The following PTPRD variants were observed in gnomAD, a reference collection of about 807,000 sequenced individuals.
The protein encoded by PTPRD is receptor-type tyrosine-protein phosphatase delta.
In PTPRD, 34 loss-of-function variants were observed where a neutral mutation model predicts 214.5. The observed-to-expected ratio is 0.16, with a 90% CI of 0.12 to 0.21. The LOEUF (loss-of-function observed/expected upper bound fraction) is 0.21, where lower values mean the gene tolerates loss of function less well. PTPRD is among the 10% of genes least tolerant of loss of function. The probability of loss-of-function intolerance (pLI) is 1.00; values close to 1 mark genes in which losing one functional copy is unlikely to be tolerated. For missense variants in PTPRD, 2,545 were observed against 2,398.7 expected (o/e 1.06, Z -1.27); for synonymous variants, 1,128 against 845.7 (o/e 1.33, Z -5.79).
At chr9:8,389,912 G>A (rs975228817) in intron 36 of PTPRD, among the ~76,000 whole-genome samples, 24 of 152,168 alleles carry the variant, frequency 1.6e-4, no homozygotes, top group Non-Finnish European at 3.5e-4. Flanking sequence ...TCTGCAGTAA[G>A]TCCTGTTATG....
intron 8 of PTPRD, among the ~76,000 whole-genome samples, chr9:9,418,044 T>C (rs947652751): frequency 5.3e-5 from 8 of 152,232 alleles, no homozygotes; most frequent in African/African-American, 1.7e-4. Context: ...CTATGAAATG[T>C]TCTGAGTCCT....
chr9:10,155,624 A>G (rs1444075002), intron 3 of PTPRD, among the ~76,000 whole-genome samples: 1 of 152,156 alleles, frequency 6.6e-6, no homozygotes, highest in Non-Finnish European at 1.5e-5. Flanking sequence ...TGTTTCTTCA[A>G]TACTACATGT....
chr9:8,711,588 C>A (rs1044970361), intron 12 of PTPRD, among the ~76,000 whole-genome samples: 2 of 152,146 alleles, frequency 1.3e-5, no homozygotes, highest in Non-Finnish European at 2.9e-5. Context: ...CGTCTCCAAG[C>A]AATAATTCTC....
At chr9:8,576,631 CAA>C (rs71317371) in intron 14 of PTPRD, among the ~76,000 whole-genome samples, 47 of 115,932 alleles carry the variant, frequency 4.1e-4, no homozygotes, top group East Asian at 1.5e-3. Context: ...GCTAATGCAG[CAA>C]AAAAAAAAAA....
chr9:9,968,723 A>G (rs182347288), intron 4 of PTPRD, among the ~76,000 whole-genome samples: 1 of 152,292 alleles, frequency 6.6e-6, no homozygotes, highest in East Asian at 1.9e-4. Flanking sequence ...AAGCTAGGTC[A>G]CAGAAACAAC....
chr9:10,604,828 T>A (rs2078893326), intron 2 of PTPRD, among the ~76,000 whole-genome samples: 1 of 151,870 alleles, frequency 6.6e-6, no homozygotes, highest in Admixed American at 6.6e-5. Context: ...TGGGAAATAT[T>A]TTTTCTATAC....
At chr9:10,242,079 T>C (rs922897194) in intron 3 of PTPRD, among the ~76,000 whole-genome samples, 1 of 151,914 alleles carries the variant, frequency 6.6e-6, no homozygotes, top group African/African-American at 2.4e-5. Flanking sequence ...AAAGACTATA[T>C]GACCTGTGAA....
intron 2 of PTPRD, among the ~76,000 whole-genome samples, chr9:10,365,555 C>T (rs1005440655): frequency 1.3e-5 from 2 of 152,102 alleles, no homozygotes; most frequent in African/African-American, 4.8e-5. Context: ...TGTACTTTAT[C>T]ACTGACTTTC....
At chr9:9,953,716 T>G (rs1301056963) in intron 4 of PTPRD, among the ~76,000 whole-genome samples, 1 of 152,180 alleles carries the variant, frequency 6.6e-6, no homozygotes, top group East Asian at 1.9e-4. Context: ...TAACCACTGC[T>G]GAAGCAACCG....
At chr9:9,228,922 A>AT (rs1156728499) in intron 9 of PTPRD, among the ~76,000 whole-genome samples, 1 of 152,032 alleles carries the variant, frequency 6.6e-6, no homozygotes, top group Non-Finnish European at 1.5e-5. Context: ...TAGATAGTTT[A>AT]TGTATGTACA....
At chr9:9,334,928 T>G (rs984528927) in intron 9 of PTPRD, among the ~76,000 whole-genome samples, 1 of 151,960 alleles carries the variant, frequency 6.6e-6, no homozygotes, top group Non-Finnish European at 1.5e-5. Context: ...ATAGTAATTT[T>G]TAAAAAAAAC....
chr9:8,601,798 G>A (rs1417415055), intron 14 of PTPRD, among the ~76,000 whole-genome samples: 1 of 152,094 alleles, frequency 6.6e-6, no homozygotes, highest in South Asian at 2.1e-4. Flanking sequence ...CATATTATCA[G>A]GGTTGGAAAA....
intron 14 of PTPRD, among the ~76,000 whole-genome samples, chr9:8,555,528 A>G (rs957433342): frequency 5.3e-5 from 8 of 152,246 alleles, no homozygotes; most frequent in Non-Finnish European, 7.3e-5. Context: ...CCCATGGGTA[A>G]TTTGATGTTA....
At chr9:8,755,146 C>A (rs1442481106) in intron 11 of PTPRD, among the ~76,000 whole-genome samples, 1 of 151,264 alleles carries the variant, frequency 6.6e-6, no homozygotes, top group Non-Finnish European at 1.5e-5. Flanking sequence ...AACTGTTTTG[C>A]TAAACATATA....
chr9:9,614,049 C>T (rs897383494), intron 7 of PTPRD, among the ~76,000 whole-genome samples: 4 of 151,998 alleles, frequency 2.6e-5, no homozygotes, highest in Non-Finnish European at 5.9e-5. Flanking sequence ...ATACAATGTA[C>T]TCAGTACAGT....
intron 3 of PTPRD, among the ~76,000 whole-genome samples, chr9:10,257,357 G>A (rs949418079): frequency 3.9e-5 from 6 of 152,146 alleles, no homozygotes; most frequent in African/African-American, 1.4e-4. Context: ...TGGAGAGGAG[G>A]TACTGGTAGA....
chr9:9,683,607 A>G (rs1282862753), intron 7 of PTPRD, among the ~76,000 whole-genome samples: 1 of 151,736 alleles, frequency 6.6e-6, no homozygotes, highest in Non-Finnish European at 1.5e-5. Context: ...AATTTCAAAG[A>G]AAAACACAGA....
chr9:8,417,582 T>A (rs1299669369), intron 35 of PTPRD, among the ~76,000 whole-genome samples: 1 of 152,172 alleles, frequency 6.6e-6, no homozygotes, highest in African/African-American at 2.4e-5. Context: ...AAATCTGTCA[T>A]TAACAAAGAA....
intron 3 of PTPRD, among the ~76,000 whole-genome samples, chr9:10,064,595 T>C (rs1354703417): frequency 6.6e-6 from 1 of 151,940 alleles, no homozygotes; most frequent in Non-Finnish European, 1.5e-5. Flanking sequence ...AAGCTCAGAG[T>C]ATGTTTGGTC....
Sources: gnomAD v4.1 joint callset for allele counts (sites outside exome capture counted in the v4.1 genomes callset) on GRCh38, gnomAD v4.1.1 for gene constraint, MANE v1.5 for transcripts, NCBI Gene and HGNC (gene_info 2026-07-23, HGNC 2026-07-21) for gene names.